MDGA2: variants seen among roughly 807,000 people sequenced by gnomAD.
The protein encoded by MDGA2 is MAM domain-containing glycosylphosphatidylinositol anchor protein 2.
Under a neutral mutation model 117.8 loss-of-function variants are expected in MDGA2, and 40 were observed. The observed-to-expected ratio is 0.34, with a 90% CI of 0.26 to 0.44. The LOEUF (loss-of-function observed/expected upper bound fraction) is 0.44, where lower values mean the gene tolerates loss of function less well. MDGA2 is among the 20% of genes least tolerant of loss of function. The pLI is 1.00. For synonymous variants in MDGA2, 452 were observed against 439.0 expected, an observed-to-expected ratio of 1.03 and a Z score of -0.37; for missense variants, 1,123 against 1,250.6, an observed-to-expected ratio of 0.90 and a Z score of 1.54.
rs565059250 is a variant in MDGA2, at chr14:47,381,202, G to A, written c.281-79652C>T. Among the ~76,000 whole-genome samples the A allele has an allele frequency of 2.3e-4, 35 of 152,206 alleles. 1 individual carries two copies. In the South Asian group the frequency reaches 7.1e-3, roughly 31 times the overall value. ...CTCTCAATAAACTAGGTATTGATGGGACATATCTCAAAATAATAAGAGCTA... is the reference window on the plus strand; with the variant it reads ...CTCTCAATAAACTAGGTATTGATGGAACATATCTCAAAATAATAAGAGCTA... On this transcript the variant is annotated intron_variant, in intron 1 of 16. Coordinates refer to ENST00000399232, the MANE Select transcript of MDGA2 (RefSeq NM_001113498.3).
intron 3 of MDGA2, among the ~76,000 whole-genome samples, chr14:47,172,241 G>C (rs1451106824): frequency 2.0e-5 from 3 of 152,158 alleles, no homozygotes; most frequent in Non-Finnish European, 4.4e-5. Flanking sequence ...TAAAAAGACA[G>C]CAGTAACCTC....
chr14:47,514,211 C>T (rs956137435), intron 1 of MDGA2, among the ~76,000 whole-genome samples: 1 of 152,086 alleles, frequency 6.6e-6, no homozygotes, highest in African/African-American at 2.4e-5. Context: ...GAGAAAACTC[C>T]ACTTGGCATA....
chr14:47,616,294 G>A (rs931040847), intron 1 of MDGA2, among the ~76,000 whole-genome samples: 13 of 152,102 alleles, frequency 8.5e-5, no homozygotes, highest in Non-Finnish European at 1.8e-4. Context: ...CTCTAAATTA[G>A]CCAATTAGAA....
At chr14:47,045,510 G>A (rs1284531005) in intron 7 of MDGA2, among the ~76,000 whole-genome samples, 1 of 151,998 alleles carries the variant, frequency 6.6e-6, no homozygotes, top group Non-Finnish European at 1.5e-5. Context: ...AGTCTCACAT[G>A]TGGAAAACTT....
chr14:47,425,374 T>C (rs906108804), intron 1 of MDGA2, among the ~76,000 whole-genome samples: 8 of 152,294 alleles, frequency 5.3e-5, no homozygotes, highest in Admixed American at 2.6e-4. Flanking sequence ...AGGAGATACA[T>C]GTACAAACAG....
At chr14:47,307,057 A>C (rs1425094326) in intron 1 of MDGA2, among the ~76,000 whole-genome samples, 2 of 152,170 alleles carry the variant, frequency 1.3e-5, no homozygotes, top group Non-Finnish European at 2.9e-5. Flanking sequence ...CTTTCATAAA[A>C]CACTTCTCAG....
chr14:46,862,443 AAAT>A (rs781046505), intron 14 of MDGA2, among the ~76,000 whole-genome samples: 29 of 149,122 alleles, frequency 1.9e-4, no homozygotes, highest in Non-Finnish European at 4.2e-4. Flanking sequence ...TAATTTGCAT[AAAT>A]AATATTTATC....
intron 8 of MDGA2, among the ~76,000 whole-genome samples, chr14:47,029,703 A>G (rs2138623927): frequency 6.6e-6 from 1 of 152,330 alleles, no homozygotes; most frequent in Non-Finnish European, 1.5e-5. Flanking sequence ...ATAAAATGTT[A>G]TAGTTTATCA....
At chr14:47,320,247 T>C (rs991648105) in intron 1 of MDGA2, among the ~76,000 whole-genome samples, 1 of 152,070 alleles carries the variant, frequency 6.6e-6, no homozygotes, top group African/African-American at 2.4e-5. Flanking sequence ...CTGGGTGTGG[T>C]GACTTATGCC....
intron 16 of MDGA2, among the ~76,000 whole-genome samples, chr14:46,845,557 C>T (rs1238826549): frequency 6.6e-6 from 1 of 152,084 alleles, no homozygotes; most frequent in Non-Finnish European, 1.5e-5. Context: ...CAAAATCTCA[C>T]TTCTATTTTA....
chr14:47,031,400 C>A (rs1888662135), intron 8 of MDGA2, among the ~76,000 whole-genome samples: 1 of 151,998 alleles, frequency 6.6e-6, no homozygotes, highest in Non-Finnish European at 1.5e-5. Context: ...TTTTTTCTAT[C>A]TTATTTATTA....
intron 1 of MDGA2, among the ~76,000 whole-genome samples, chr14:47,657,017 C>T (rs1169981081): frequency 6.6e-6 from 1 of 152,074 alleles, no homozygotes; most frequent in Non-Finnish European, 1.5e-5. Context: ...TGTAAGAAAG[C>T]CCAAAGTTTT....
chr14:47,258,414 C>T (rs1285723693), intron 2 of MDGA2, among the ~76,000 whole-genome samples: 1 of 151,878 alleles, frequency 6.6e-6, no homozygotes, highest in Admixed American at 6.6e-5. Flanking sequence ...GGGGGAGATG[C>T]TACACACTTT....
chr14:47,341,868 TC>T (rs1384562187), intron 1 of MDGA2, among the ~76,000 whole-genome samples: 1 of 152,092 alleles, frequency 6.6e-6, no homozygotes, highest in Admixed American at 6.6e-5. Context: ...AGACAGACTC[TC>T]GCTCTGTGGC....
At chr14:47,221,232 G>T (rs1202959151) in intron 2 of MDGA2, among the ~76,000 whole-genome samples, 1 of 152,146 alleles carries the variant, frequency 6.6e-6, no homozygotes, top group Non-Finnish European at 1.5e-5. Context: ...TGGAAGGAAA[G>T]GAAAGGAGAG....
At chr14:47,551,467 A>C (rs1895580176) in intron 1 of MDGA2, among the ~76,000 whole-genome samples, 1 of 152,146 alleles carries the variant, frequency 6.6e-6, no homozygotes, top group Non-Finnish European at 1.5e-5. Flanking sequence ...AAATACAAAC[A>C]TATTGTTCTT....
intron 1 of MDGA2, among the ~76,000 whole-genome samples, chr14:47,644,792 T>C (rs1897494233): frequency 6.6e-6 from 1 of 152,180 alleles, no homozygotes; most frequent in Admixed American, 6.5e-5. Context: ...TACACATGTA[T>C]ATGGAAACAT....
intron 1 of MDGA2, among the ~76,000 whole-genome samples, chr14:47,469,919 C>G (rs143924175): frequency 0.014 from 2,105 of 152,132 alleles, 52 homozygotes; most frequent in Admixed American, 0.055. Flanking sequence ...AATACAGAAA[C>G]TGGGTATCTG....
At chr14:47,034,304 T>A (rs919777190) in intron 8 of MDGA2, among the ~76,000 whole-genome samples, 1 of 152,158 alleles carries the variant, frequency 6.6e-6, no homozygotes, top group African/African-American at 2.4e-5. Context: ...GTCCATAATA[T>A]CTACATTTTT....
Sources: gnomAD v4.1 joint callset for allele counts (sites outside exome capture counted in the v4.1 genomes callset) on GRCh38, gnomAD v4.1.1 for gene constraint, MANE v1.5 for transcripts, NCBI Gene and HGNC (gene_info 2026-07-23, HGNC 2026-07-21) for gene names.